The following USP2 variants were observed in gnomAD, a reference collection of about 807,000 sequenced individuals.
USP2 encodes the protein ubiquitin specific peptidase 2.
Under a neutral mutation model 72.0 loss-of-function variants are expected in USP2, and 33 were observed. That is an observed-to-expected ratio of 0.46 (90% CI 0.35 to 0.61). The LOEUF (loss-of-function observed/expected upper bound fraction) is 0.61, where lower values mean the gene tolerates loss of function less well. USP2 is among the 20% of genes least tolerant of loss of function. The pLI is 0.01. For missense variants in USP2, 691 were observed against 797.8 expected, an observed-to-expected ratio of 0.87 and a Z score of 1.61; for synonymous variants, 296 against 312.5, an observed-to-expected ratio of 0.95 and a Z score of 0.56.
intron 1 of USP2, among the ~76,000 whole-genome samples, chr11:119,374,783 A>C (rs1296228204): frequency 6.6e-6 from 1 of 152,160 alleles, no homozygotes; most frequent in African/African-American, 2.4e-5. Context: ...GAGCAGAGCC[A>C]TCCAGGACTC....
rs559397218 is a variant in USP2, at chr11:119,374,999, C to G, written c.-41-1478G>C. Among the ~76,000 whole-genome samples the G allele has an allele frequency of 6.6e-5, 10 of 152,350 alleles. No individual in the cohort carries two copies. The South Asian group carries it at 1.2e-3, about 19-fold the overall frequency. The stretch of plus-strand genomic sequence containing the variant: ...TGACAGTGGCTACCATCTCCTCCCC[C>G]AGCTACTGCGAGGCAGCATGGCTCC... On this transcript the variant is annotated intron_variant, in intron 1 of 12. Coordinates refer to ENST00000260187, the MANE Select transcript of USP2 (RefSeq NM_004205.5).
intron 1 of USP2, among the ~76,000 whole-genome samples, chr11:119,374,517 T>G (rs1379785291): frequency 6.6e-6 from 1 of 152,178 alleles, no homozygotes; most frequent in Non-Finnish European, 1.5e-5. Context: ...GTGATGCTTA[T>G]TTGCCCCCGG....
chr11:119,359,363 A>G, intron 4 of USP2, 21 bp from the exon 5 acceptor site: 1 of 1,604,550 alleles, frequency 6.2e-7, no homozygotes. Context: ...GAGAGAGTGT[A>G]CAGGACAGCT....
At chr11:119,365,902 T>TG (rs1479140811) in intron 2 of USP2, among the ~76,000 whole-genome samples, 3 of 151,834 alleles carry the variant, frequency 2.0e-5, no homozygotes, top group African/African-American at 7.3e-5. Context: ...TGTTTTGTTT[T>TG]TTTTTTTTTT....
At chr11:119,380,071 C>G (rs1056148599) in intron 1 of USP2, among the ~76,000 whole-genome samples, 1 of 151,938 alleles carries the variant, frequency 6.6e-6, no homozygotes, top group Non-Finnish European at 1.5e-5. Context: ...CCCGCCAGCA[C>G]GCCCGGCTAA....
intron 2 of USP2, among the ~76,000 whole-genome samples, chr11:119,369,503 T>TA (rs111518125): frequency 0.018 from 2,802 of 152,218 alleles, 58 homozygotes; most frequent in African/African-American, 0.051. Context: ...TACTTTTTTT[T>TA]ACCTCTGTTT....
chr11:119,363,852 G>A (rs1396547234), intron 2 of USP2: 2 of 1,419,682 alleles, frequency 1.4e-6, no homozygotes, highest in Non-Finnish European at 1.9e-6. Context: ...CGCGTACCTT[G>A]GCTTTGTTGA....
At chr11:119,370,964 G>C (rs1950918263) in intron 2 of USP2, among the ~76,000 whole-genome samples, 2 of 152,286 alleles carry the variant, frequency 1.3e-5, no homozygotes, top group South Asian at 4.1e-4. Flanking sequence ...AGTGGAATCT[G>C]ATCCCCAGTA....
In USP2 at chr11:119,360,193, A is replaced by C. The variant is rs377301285; in HGVS notation, c.816T>G (p.Leu272=). 2.5e-6 allele frequency: 4 copies of C among 1,613,840 alleles called. No homozygotes were observed. The highest frequency in any genetic ancestry group is 1.7e-5 in the Admixed American group (1 of 59,972). ...GCCAGGAAAAACTCACCGTGTTCCC[A>C]AGGTTTCGAAGACCAGCCAGACCCT... ...SAQGLAGLRN[L]GNTCFMNSIL... Residue 272 remains leucine, a synonymous_variant, in exon 3 of 13, where the codon CTT becomes CTG. Coordinates refer to ENST00000260187, the MANE Select transcript of USP2 (RefSeq NM_004205.5).
In USP2 at chr11:119,372,812, G is replaced by T. The variant is rs747916279; in HGVS notation, c.669C>A (p.Ile223=). 6.2e-7 allele frequency: 1 copy of T among 1,606,454 alleles called. No homozygotes were observed. The highest frequency in any genetic ancestry group is 1.7e-5 in the Admixed American group (1 of 59,280). The change falls in exon 2 of 13, where the codon ATC becomes ATA. Residue 223 remains isoleucine (I), a synonymous_variant. Coordinates refer to ENST00000260187, the MANE Select transcript of USP2 (RefSeq NM_004205.5). ...CAATGGGTCGGTAGGTTGGGCTGAT[G>T]ATTTCAGGGACTCGTGAGGGAGGGG... ...SQAPPSRVPE[I]ISPTYRPIGR...
At chr11:119,363,506 T>C (rs1253058876) in intron 2 of USP2, among the ~76,000 whole-genome samples, 2 of 152,032 alleles carry the variant, frequency 1.3e-5, no homozygotes, top group East Asian at 3.9e-4. Flanking sequence ...TCCAGCGTGC[T>C]GCCCTCGCAC....
chr11:119,366,448 G>A lies in USP2; in HGVS notation c.775-6214C>T, dbSNP rs574374083. 3.5e-4 allele frequency among the ~76,000 whole-genome samples: 54 copies of A among 152,176 alleles called. 1 individual carries two copies. The highest frequency in any genetic ancestry group is 1.0e-3 in the African/African-American group (43 of 41,506). On this transcript the variant is annotated intron_variant, in intron 2 of 12. Transcript: ENST00000260187. ...TCTAAACTCTCCATTACTGCATATC[G>A]TCAGTCTATGCGCATTCAGTTTGCA...
rs762649998 is a variant in USP2 at position 119,358,986 on chromosome 11, A to G, written c.1172+38T>C. On this transcript the variant is annotated intron_variant, in intron 6 of 12. Transcript: ENST00000260187. ...GGTGGGTAAAAATCTCGAGTTCACA[A>G]AAGTTTTGCTTTCCCACAGCATTCT... 13 of 1,608,350 alleles carry G rather than the reference A, an allele frequency of 8.1e-6. No homozygotes were observed. In the Admixed American group the frequency reaches 2.0e-4, roughly 25 times the overall value.
In USP2 at chr11:119,358,841, G is replaced by A; in HGVS notation, c.1173-4C>T. 2 of 1,613,944 alleles carry A rather than the reference G, an allele frequency of 1.2e-6. No homozygotes were observed. Among genetic ancestry groups the A allele is most frequent in the South Asian group, 1.1e-5 (1 of 91,080 alleles). On this transcript the variant is annotated splice_polypyrimidine_tract_variant and splice_region_variant and intron_variant, in intron 6 of 12. Transcript: ENST00000260187. ...CTGTCGGCCTTTCTCGTCATCACTG[G>A]GAACCAGAGAGAGACAACAATTGGG...
intron 2 of USP2, 120 bp downstream of exon 2, chr11:119,372,587 G>A (rs1479117721): frequency 9.5e-7 from 1 of 1,050,618 alleles, no homozygotes; most frequent in Non-Finnish European, 1.3e-6. Context: ...TCTCTTGTTT[G>A]TCTCCACCAG....
chr11:119,357,907 G>T, intron 9 of USP2, 72 bp from the exon 10 acceptor site: 2 of 1,612,892 alleles, frequency 1.2e-6, no homozygotes, highest in Non-Finnish European at 1.7e-6. Flanking sequence ...TCCTCAACTG[G>T]ATCTGCTGGT....
intron 2 of USP2, among the ~76,000 whole-genome samples, chr11:119,367,021 G>A (rs1246807713): frequency 6.6e-6 from 1 of 152,302 alleles, no homozygotes; most frequent in Admixed American, 6.5e-5. Flanking sequence ...AAGCAGGTCC[G>A]ACTGCTGCAG....
At chr11:119,371,671 A>ATGCTGT (rs1950928687) in intron 2 of USP2, among the ~76,000 whole-genome samples, 1 of 152,146 alleles carries the variant, frequency 6.6e-6, no homozygotes, top group African/African-American at 2.4e-5. Flanking sequence ...TTGCTGTGGC[A>ATGCTGT]TGCTGTTGTT....
Position 119,356,271 on chromosome 11 carries a change from T to TA in USP2, c.*563dup, listed in dbSNP as rs888563163. ...GTCTGAACACTTTAGTTATGGAAAT[T>TA]AAAAAAAAAAAGTTGGGCTTTTTAA... On this transcript the variant is annotated 3_prime_UTR_variant, in exon 13 of 13. Coordinates refer to ENST00000260187, the MANE Select transcript of USP2 (RefSeq NM_004205.5). The TA allele has an allele frequency of 2.6e-4, 38 of 147,240 alleles. No homozygotes were observed. Among genetic ancestry groups the TA allele is most frequent in the East Asian group, 4.0e-4 (2 of 5,052 alleles). 9.1% of individuals were successfully genotyped at this position (147,240 alleles called of 1,614,324 possible). A position where few individuals can be genotyped will look rare whatever the true frequency, so the allele number is the denominator to read the frequency against.
Sources: gnomAD v4.1 joint callset for allele counts (sites outside exome capture counted in the v4.1 genomes callset) on GRCh38, gnomAD v4.1.1 for gene constraint, MANE v1.5 for transcripts, NCBI Gene and HGNC (gene_info 2026-07-23, HGNC 2026-07-21) for gene names.